Variants in MAP7D2 observed in about 807,000 individuals in gnomAD.
MAP7D2 encodes the protein MAP7 domain containing 2.
A neutral mutation model predicts 63.5 loss-of-function variants in MAP7D2; 33 were observed. The ratio of observed to expected loss-of-function variants is 0.52; its 90% CI spans 0.39 to 0.70. The LOEUF (loss-of-function observed/expected upper bound fraction) is 0.70. Ranked by LOEUF, MAP7D2 falls within the 30% of genes least tolerant of loss-of-function variation. The pLI, the probability that MAP7D2 is intolerant of heterozygous loss-of-function variation, is 0.00. For synonymous variants in MAP7D2, 224 were observed against 223.7 expected (o/e 1.00, Z -0.01); for missense variants, 626 against 604.0 (o/e 1.04, Z -0.38).
At chrX:20,081,254 T>C (rs1334030318) in intron 1 of MAP7D2, among the ~76,000 whole-genome samples, 1 of 111,585 alleles carries the variant, frequency 9.0e-6, no homozygotes, top group African/African-American at 3.3e-5. Context: ...TTTAATAACA[T>C]GAAAGTAAAA....
At chrX:20,076,719 G>A (rs1433255805) in intron 1 of MAP7D2, among the ~76,000 whole-genome samples, 1 of 109,556 alleles carries the variant, frequency 9.1e-6, no homozygotes, top group East Asian at 2.8e-4. Flanking sequence ...AAAAAAAATT[G>A]TATACAGATG....
intron 1 of MAP7D2, among the ~76,000 whole-genome samples, chrX:20,090,552 C>T (rs1057209081): frequency 1.8e-5 from 2 of 111,589 alleles, no homozygotes; most frequent in African/African-American, 6.5e-5. Flanking sequence ...ATAGCAAGTA[C>T]TGGCAAAGGT....
chrX:20,050,677 C>A (rs1188409153), intron 6 of MAP7D2, 147 bp downstream of exon 6: 33 of 578,946 alleles, frequency 5.7e-5, no homozygotes, highest in Non-Finnish European at 7.4e-5. Context: ...AACAGCAAAA[C>A]ACTGGTATAA....
chrX:20,108,360 G>A (rs2066630095), intron 1 of MAP7D2, among the ~76,000 whole-genome samples: 1 of 109,241 alleles, frequency 9.2e-6, no homozygotes. Flanking sequence ...GCCGCTTCCC[G>A]AGTAACTGGG....
intron 2 of MAP7D2, among the ~76,000 whole-genome samples, chrX:20,064,211 A>G (rs908994157): frequency 1.8e-5 from 2 of 112,204 alleles, no homozygotes; most frequent in Non-Finnish European, 1.9e-5. Context: ...ATTTGTCTCA[A>G]TGCAATGGGG....
At chrX:20,028,277 C>A (rs1012143533) in intron 8 of MAP7D2, among the ~76,000 whole-genome samples, 11 of 112,077 alleles carry the variant, frequency 9.8e-5, no homozygotes, top group African/African-American at 3.2e-4. Context: ...GTTGCCAGCG[C>A]AGCTAAGTCT....
At chrX:20,103,897 T>A (rs904732098) in intron 1 of MAP7D2, among the ~76,000 whole-genome samples, 2 of 111,482 alleles carry the variant, frequency 1.8e-5, no homozygotes, top group Non-Finnish European at 3.8e-5. Context: ...GTGTAAATAA[T>A]CCTTTTGATT....
At chrX:20,101,340 C>G (rs2066430953) in intron 1 of MAP7D2, among the ~76,000 whole-genome samples, 1 of 112,193 alleles carries the variant, frequency 8.9e-6, no homozygotes, top group East Asian at 2.8e-4. Context: ...TTTGTAGAAT[C>G]TACGAGGTGA....
intron 8 of MAP7D2, among the ~76,000 whole-genome samples, chrX:20,029,249 T>G (rs972262243): frequency 3.6e-5 from 4 of 112,036 alleles, no homozygotes; most frequent in Admixed American, 9.4e-5. Context: ...AGGGCTGGAC[T>G]GGGGGGAGTG....
intron 4 of MAP7D2, among the ~76,000 whole-genome samples, chrX:20,054,119 T>C (rs2065015472): frequency 8.9e-6 from 1 of 112,440 alleles, no homozygotes; most frequent in Non-Finnish European, 1.9e-5. Flanking sequence ...ATTACAGGCG[T>C]GAGCCACTGC....
chrX:20,112,949 C>G (rs946090663), intron 1 of MAP7D2, among the ~76,000 whole-genome samples: 1 of 112,270 alleles, frequency 8.9e-6, no homozygotes, highest in Non-Finnish European at 1.9e-5. Context: ...ACACTAGCCA[C>G]TGCAGAAGAT....
intron 1 of MAP7D2, among the ~76,000 whole-genome samples, chrX:20,082,908 G>A (rs1045913380): frequency 2.7e-5 from 3 of 111,917 alleles, no homozygotes; most frequent in Non-Finnish European, 5.6e-5. Context: ...GATTACAGGC[G>A]TGAGCCACTG....
At chrX:20,102,395 G>A (rs909218249) in intron 1 of MAP7D2, among the ~76,000 whole-genome samples, 15 of 110,830 alleles carry the variant, frequency 1.4e-4, no homozygotes, top group African/African-American at 4.9e-4. Context: ...AAGAATTCCA[G>A]GTGAAGAGAA....
chrX:20,075,095 G>C (rs915687161), intron 1 of MAP7D2, among the ~76,000 whole-genome samples: 1 of 111,449 alleles, frequency 9.0e-6, no homozygotes, highest in Non-Finnish European at 1.9e-5. Context: ...TAAAATGAAG[G>C]TTTAATCATA....
chrX:20,024,964 C>T lies in MAP7D2; in HGVS notation c.1399G>A (p.Glu467Lys). The T allele has an allele frequency of 1.7e-6, 2 of 1,210,883 alleles. No individual in the cohort carries two copies. Among genetic ancestry groups the T allele is most frequent in the Non-Finnish European group, 2.2e-6 (2 of 895,135 alleles). ...GCACTAGCATACCTATCTTGTTCTTCCTTCTCCAGTCGTTCTTGCTCCTCC... is the reference window on the plus strand; with the variant it reads ...GCACTAGCATACCTATCTTGTTCTTTCTTCTCCAGTCGTTCTTGCTCCTCC... ...EQEEQERLEK[E>K]EQDRLEREEL... Residue 467 changes from glutamate (E) to lysine (K), a missense_variant, in exon 10 of 17, where the codon GAA (glutamate) becomes AAA (lysine). Coordinates refer to ENST00000379643, the MANE Select transcript of MAP7D2 (RefSeq NM_001168465.2).
intron 1 of MAP7D2, among the ~76,000 whole-genome samples, chrX:20,108,937 A>C (rs972418943): frequency 9.1e-6 from 1 of 110,227 alleles, no homozygotes; most frequent in Admixed American, 9.8e-5. Context: ...CACAGAGAGG[A>C]TGGGGGGTTC....
chrX:20,026,887 G>A (rs1001027736), intron 8 of MAP7D2, among the ~76,000 whole-genome samples: 3 of 111,848 alleles, frequency 2.7e-5, no homozygotes, highest in Non-Finnish European at 3.8e-5. Context: ...ATAAAGTAAT[G>A]TATACAGAAA....
chrX:20,078,453 T>C (rs1398062173), intron 1 of MAP7D2, among the ~76,000 whole-genome samples: 2 of 112,300 alleles, frequency 1.8e-5, no homozygotes, highest in Non-Finnish European at 3.8e-5. Context: ...GAAGGAGCAC[T>C]GACAGAGAGA....
intron 8 of MAP7D2, among the ~76,000 whole-genome samples, chrX:20,026,439 C>T (rs1363778077): frequency 8.9e-6 from 1 of 111,957 alleles, no homozygotes; most frequent in Non-Finnish European, 1.9e-5. Context: ...CTGGCAATCA[C>T]CCTTCTACTT....
Sources: allele counts gnomAD v4.1 joint callset (sites outside exome capture counted in the v4.1 genomes callset), GRCh38; gene constraint gnomAD v4.1.1; transcripts MANE v1.5; gene names NCBI Gene and HGNC (gene_info 2026-07-23, HGNC 2026-07-21).